The following MITF variants were observed in gnomAD, a reference collection of about 807,000 sequenced individuals.
The protein encoded by MITF is microphthalmia-associated transcription factor.
Under a neutral mutation model 60.5 loss-of-function variants are expected in MITF, and 17 were observed. The ratio of observed to expected loss-of-function variants is 0.28; its 90% CI spans 0.19 to 0.42. MITF has a LOEUF of 0.42. Among genes scored for constraint, MITF ranks in the 10% least tolerant of loss-of-function variants. The pLI, the probability that MITF is intolerant of heterozygous loss-of-function variation, is 1.00. For missense variants in MITF, 622 were observed against 683.5 expected (o/e 0.91, Z 1.00); for synonymous variants, 260 against 248.5 (o/e 1.05, Z -0.43).
intron 1 of MITF, among the ~76,000 whole-genome samples, chr3:69,852,567 G>A (rs1038352462): frequency 3.9e-5 from 6 of 152,152 alleles, no homozygotes; most frequent in African/African-American, 7.2e-5. Flanking sequence ...CTGTTGATGG[G>A]AATTTGGTTT....
chr3:69,946,450 G>T (rs2066098536), intron 5 of MITF, among the ~76,000 whole-genome samples: 1 of 152,092 alleles, frequency 6.6e-6, no homozygotes, highest in South Asian at 2.1e-4. Context: ...CCCACCCCCA[G>T]TTCTGCTGTT....
At chr3:69,850,121 C>T (rs1419911840) in intron 1 of MITF, among the ~76,000 whole-genome samples, 1 of 152,194 alleles carries the variant, frequency 6.6e-6, no homozygotes, top group Non-Finnish European at 1.5e-5. Context: ...ATCCCCCACC[C>T]TCCCATAAGT....
chr3:69,928,116 T>G (rs1224127772), intron 2 of MITF, among the ~76,000 whole-genome samples: 1 of 152,224 alleles, frequency 6.6e-6, no homozygotes, highest in Non-Finnish European at 1.5e-5. Context: ...ATGGGCGGCA[T>G]GCCCCAGGCA....
chr3:69,945,378 G>A (rs62253190), intron 5 of MITF, among the ~76,000 whole-genome samples: 32,377 of 152,002 alleles, frequency 0.21, 3,486 homozygotes, highest in South Asian at 0.26. Flanking sequence ...TGTCATTTAG[G>A]TAAATGGCCT....
In MITF at chr3:69,964,982, C is replaced by G. The variant is rs747981893; in HGVS notation, c.1315C>G (p.His439Asp). 6.2e-7 allele frequency: 1 copy of G among 1,614,156 alleles called. No individual in the cohort carries two copies. The highest frequency in any genetic ancestry group is 1.7e-5 in the Admixed American group (1 of 60,024). Reference protein sequence around the residue: ...ENCSQDLLQHHADLTCTTTLD... With the variant: ...ENCSQDLLQHDADLTCTTTLD... ...CTGCAGCCAAGACCTCCTTCAGCATCATGCAGACCTAACCTGTACAACAAC... is the reference window on the plus strand; with the variant it reads ...CTGCAGCCAAGACCTCCTTCAGCATGATGCAGACCTAACCTGTACAACAAC... Residue 439 changes from histidine to aspartate, a missense_variant, in exon 10 of 10, where the codon CAT becomes GAT. By Grantham distance (81) the His-to-Asp change is moderately conservative. Transcript: ENST00000352241.
At chr3:69,883,699 A>C (rs887526538) in intron 2 of MITF, among the ~76,000 whole-genome samples, 13 of 152,170 alleles carry the variant, frequency 8.5e-5, no homozygotes, top group African/African-American at 3.1e-4. Context: ...GCAAGAAGCC[A>C]GAACAGATGT....
At chr3:69,923,196 A>G (rs1429462622) in intron 2 of MITF, among the ~76,000 whole-genome samples, 4 of 152,236 alleles carry the variant, frequency 2.6e-5, no homozygotes, top group African/African-American at 4.8e-5. Context: ...AGTGTTTCAT[A>G]AAGTGATTAG....
At chr3:69,843,671 T>A (rs1402371101) in intron 1 of MITF, among the ~76,000 whole-genome samples, 2 of 152,178 alleles carry the variant, frequency 1.3e-5, no homozygotes, top group Non-Finnish European at 2.9e-5. Context: ...ATATAGTTAG[T>A]CATGTAACTG....
At chr3:69,947,746 C>T (rs554900518) in intron 5 of MITF, among the ~76,000 whole-genome samples, 3 of 152,238 alleles carry the variant, frequency 2.0e-5, no homozygotes, top group South Asian at 4.1e-4. Context: ...GTCTGATTCA[C>T]CCATCAAGAA....
chr3:69,859,915 C>A (rs1434454237), intron 1 of MITF, among the ~76,000 whole-genome samples: 2 of 152,156 alleles, frequency 1.3e-5, no homozygotes, highest in African/African-American at 4.8e-5. Context: ...GTAAAGTCAT[C>A]TTGTGAATAA....
At chr3:69,964,815 A>G (rs760260065) in intron 9 of MITF, 32 bp from the exon 10 acceptor site, 4 of 1,610,226 alleles carry the variant, frequency 2.5e-6, no homozygotes, top group South Asian at 1.1e-5. Flanking sequence ...TGCTCTGCCT[A>G]TTTCAGTGTT....
chr3:69,874,215 C>G (rs1307248117), intron 1 of MITF, among the ~76,000 whole-genome samples: 1 of 152,204 alleles, frequency 6.6e-6, no homozygotes, highest in East Asian at 1.9e-4. Context: ...ACAATTCCTA[C>G]TTTATAGCTC....
intron 1 of MITF, among the ~76,000 whole-genome samples, chr3:69,814,290 G>A (rs954848256): frequency 2.6e-5 from 4 of 152,086 alleles, no homozygotes; most frequent in African/African-American, 4.8e-5. Context: ...AACAACTTAA[G>A]TATTGACTCA....
At chr3:69,757,647 G>C (rs1238967585) in intron 1 of MITF, among the ~76,000 whole-genome samples, 5 of 152,012 alleles carry the variant, frequency 3.3e-5, no homozygotes, top group Admixed American at 3.3e-4. Flanking sequence ...CCAGCTATCA[G>C]AGATGAAAAA....
intron 2 of MITF, among the ~76,000 whole-genome samples, chr3:69,917,788 A>T (rs1008834954): frequency 6.6e-6 from 1 of 152,108 alleles, no homozygotes; most frequent in Admixed American, 6.6e-5. Context: ...GGTACATTTT[A>T]TGTCTTAGGG....
intron 1 of MITF, among the ~76,000 whole-genome samples, chr3:69,869,995 G>A (rs1293118565): frequency 1.3e-5 from 2 of 151,956 alleles, no homozygotes; most frequent in Non-Finnish European, 2.9e-5. Flanking sequence ...AAACAGTTTC[G>A]GTGGTGTTCT....
At chr3:69,775,169 T>C (rs1023488654) in intron 1 of MITF, among the ~76,000 whole-genome samples, 9 of 152,138 alleles carry the variant, frequency 5.9e-5, no homozygotes, top group African/African-American at 1.9e-4. Flanking sequence ...ACATAATTAT[T>C]CTATATGCAT....
chr3:69,842,744 G>T (rs960208291), intron 1 of MITF, among the ~76,000 whole-genome samples: 2 of 108,188 alleles, frequency 1.8e-5, no homozygotes, highest in Non-Finnish European at 2.5e-5. Flanking sequence ...CGTGATGGCA[G>T]AACTGACTGA....
At chr3:69,788,345 C>T (rs2062685678) in intron 1 of MITF, among the ~76,000 whole-genome samples, 1 of 139,036 alleles carries the variant, frequency 7.2e-6, no homozygotes, top group Non-Finnish European at 1.5e-5. Flanking sequence ...TCCATGTGTT[C>T]TCATTGTTCA....
Sources: gnomAD v4.1 joint callset for allele counts (sites outside exome capture counted in the v4.1 genomes callset) on GRCh38, gnomAD v4.1.1 for gene constraint, MANE v1.5 for transcripts, NCBI Gene and HGNC (gene_info 2026-07-23, HGNC 2026-07-21) for gene names.